CARF: variants seen among roughly 807,000 people sequenced by gnomAD.
CARF encodes the protein calcium responsive transcription factor, also known as calcium-responsive transcription factor.
In CARF, 57 loss-of-function variants were observed where a neutral mutation model predicts 82.0. The ratio of observed to expected loss-of-function variants is 0.70; its 90% CI spans 0.56 to 0.87. The LOEUF (loss-of-function observed/expected upper bound fraction) is 0.87. Among genes scored for constraint, CARF ranks in the 40% least tolerant of loss-of-function variants. The pLI, the probability that CARF is intolerant of heterozygous loss-of-function variation, is 0.00. For missense variants in CARF, 771 were observed against 855.8 expected (o/e 0.90, Z 1.24); for synonymous variants, 268 against 290.1 (o/e 0.92, Z 0.77).
intron 9 of CARF, among the ~76,000 whole-genome samples, chr2:202,964,835 A>G (rs1356950389): frequency 6.7e-6 from 1 of 150,200 alleles, no homozygotes; most frequent in African/African-American, 2.4e-5. Flanking sequence ...ACTAAAGTAT[A>G]TATCTCTAAA....
intron 3 of CARF, among the ~76,000 whole-genome samples, chr2:202,931,457 G>A (rs1227297912): frequency 6.6e-6 from 1 of 152,194 alleles, no homozygotes; most frequent in African/African-American, 2.4e-5. Flanking sequence ...TTGACCGTGT[G>A]AGCAGTTGGT....
At chr2:202,935,660 G>A (rs1005590789) in intron 3 of CARF, among the ~76,000 whole-genome samples, 2 of 151,978 alleles carry the variant, frequency 1.3e-5, no homozygotes, top group East Asian at 1.9e-4. Context: ...CCTGGGTTCC[G>A]GTGATCCACC....
intron 16 of CARF, 101 bp from the exon 17 acceptor site, chr2:202,983,405 G>T: frequency 1.3e-6 from 1 of 761,318 alleles, no homozygotes; most frequent in Non-Finnish European, 2.1e-6. Context: ...AAGAACAAAA[G>T]TTTTCACAGA....
At position 202,982,160 on chromosome 2, in the gene CARF, G is replaced by T; in HGVS notation, c.1778G>T (p.Gly593Val). The change falls in exon 16 of 17, where the codon GGA becomes GTA. Residue 593 changes from glycine (G) to valine (V), a missense_variant. Physicochemically the swap from Gly to Val is moderately radical, Grantham distance 109. Transcript: ENST00000438828. The part of the protein sequence containing the change: ...VNNQPSSSPS[G>V]LLDTIGSAVM... ...AACCAGCCGTCCTCTAGTCCTTCAG[G>T]ACTTCTGGATACAATAGGAAGTGCT... 3 of 1,614,106 alleles carry T rather than the reference G, an allele frequency of 1.9e-6. No individual in the cohort carries two copies. The highest frequency in any genetic ancestry group is 2.2e-5 in the South Asian group (2 of 91,074).
chr2:202,943,452 A>T (rs2058330222), intron 5 of CARF, among the ~76,000 whole-genome samples: 1 of 152,200 alleles, frequency 6.6e-6, no homozygotes, highest in Admixed American at 6.6e-5. Flanking sequence ...AGGACTACAA[A>T]TAGTACTTTA....
chr2:202,912,615 A>C lies in CARF; in HGVS notation c.-817A>C, dbSNP rs1224872588. ...AGCTTGGGGGCCTTTTCGGGGTCCC[A>C]CATGGCACGGCTTCCGACCCCCGGC... On this transcript the variant is annotated 5_prime_UTR_variant, in exon 1 of 17. Coordinates refer to ENST00000438828, the MANE Select transcript of CARF (RefSeq NM_024744.17). 6.6e-6 allele frequency: 1 copy of C among 151,994 alleles called. No homozygotes were observed. The highest frequency in any genetic ancestry group is 1.5e-5 in the Non-Finnish European group (1 of 67,992). 9.4% of individuals were successfully genotyped at this position (151,994 alleles called of 1,614,324 possible).
chr2:202,946,286 G>A (rs2058493994), intron 5 of CARF, among the ~76,000 whole-genome samples: 1 of 152,106 alleles, frequency 6.6e-6, no homozygotes, highest in Admixed American at 6.6e-5. Flanking sequence ...GCATGGTACT[G>A]GTATCAAAAC....
At chr2:202,940,214 A>AT (rs2058164318) in intron 3 of CARF, among the ~76,000 whole-genome samples, 2 of 151,550 alleles carry the variant, frequency 1.3e-5, no homozygotes, top group Non-Finnish European at 2.9e-5. Flanking sequence ...TTGTATTTTT[A>AT]GTAGAGACAG....
intron 3 of CARF, among the ~76,000 whole-genome samples, chr2:202,939,360 A>G (rs953714533): frequency 1.3e-5 from 2 of 152,206 alleles, no homozygotes; most frequent in African/African-American, 4.8e-5. Flanking sequence ...TAAACTGAAA[A>G]TACTGTAAGT....
At chr2:202,968,075 A>G (rs534123842) in intron 10 of CARF, among the ~76,000 whole-genome samples, 9 of 152,302 alleles carry the variant, frequency 5.9e-5, no homozygotes, top group African/African-American at 2.2e-4. Context: ...TGATCTTTGA[A>G]ACACTTTTAG....
intron 2 of CARF, among the ~76,000 whole-genome samples, chr2:202,920,903 T>G (rs1324059591): frequency 6.6e-6 from 1 of 152,218 alleles, no homozygotes; most frequent in Non-Finnish European, 1.5e-5. Flanking sequence ...AGTCCTTTTG[T>G]ATTTCTGTGT....
chr2:202,959,029 A>AT (rs1165410054), intron 8 of CARF, among the ~76,000 whole-genome samples: 1 of 151,320 alleles, frequency 6.6e-6, no homozygotes, highest in African/African-American at 2.4e-5. Flanking sequence ...TACTATAGGC[A>AT]TTTTTTTCAG....
chr2:202,938,237 T>G (rs1694262474), intron 3 of CARF: 1 of 151,992 alleles, frequency 6.6e-6, no homozygotes, highest in South Asian at 2.1e-4. Flanking sequence ...AAACTCTCAG[T>G]TTTTTGTTTT....
At chr2:202,937,108 G>A (rs539900009) in intron 3 of CARF, among the ~76,000 whole-genome samples, 104 of 152,042 alleles carry the variant, frequency 6.8e-4, no homozygotes, top group African/African-American at 2.4e-3. Context: ...TTTAACCATA[G>A]GTATGTTATT....
intron 4 of CARF, 61 bp from the exon 5 acceptor site, chr2:202,942,679 T>C (rs2058285616): frequency 7.8e-6 from 10 of 1,282,826 alleles, no homozygotes; most frequent in Non-Finnish European, 9.6e-6. Flanking sequence ...TCATTTTTAT[T>C]ATACACATCT....
At chr2:202,929,517 G>C (rs1692485990) in intron 3 of CARF, among the ~76,000 whole-genome samples, 1 of 152,082 alleles carries the variant, frequency 6.6e-6, no homozygotes, top group African/African-American at 2.4e-5. Flanking sequence ...TTGTTTGTTT[G>C]TTTGTTTTCT....
intron 5 of CARF, among the ~76,000 whole-genome samples, chr2:202,950,431 A>C (rs2058702541): frequency 6.6e-6 from 1 of 152,228 alleles, no homozygotes; most frequent in South Asian, 2.1e-4. Flanking sequence ...AAGTTAGAAA[A>C]TTTGTATATA....
At chr2:202,948,604 G>A (rs1317671768) in intron 5 of CARF, among the ~76,000 whole-genome samples, 2 of 151,780 alleles carry the variant, frequency 1.3e-5, no homozygotes, top group Non-Finnish European at 2.9e-5. Flanking sequence ...TTCTTTTTCT[G>A]GCAATTGTGA....
At position 202,941,359 on chromosome 2, in the gene CARF, T is replaced by C. The variant is rs556052066; in HGVS notation, c.-43-501T>C. Among the ~76,000 whole-genome samples, 14 of 152,270 alleles carry C rather than the reference T, an allele frequency of 9.2e-5. 1 individual carries two copies. The South Asian group carries it at 2.9e-3, about 32-fold the overall frequency. ...TCTTCATTTTCTTTTTTAAAATATA[T>C]CTTCCTTTTCAAAGCTTGTCAAACT... On this transcript the variant is annotated intron_variant, in intron 3 of 16. Transcript: ENST00000438828.
Sources: gnomAD v4.1 joint callset for allele counts (sites outside exome capture counted in the v4.1 genomes callset) on GRCh38, gnomAD v4.1.1 for gene constraint, MANE v1.5 for transcripts, NCBI Gene and HGNC (gene_info 2026-07-23, HGNC 2026-07-21) for gene names.